PKD1L1: variants seen among roughly 807,000 people sequenced by gnomAD.
PKD1L1 encodes polycystin 1 like 1, transient receptor potential channel interacting, also known as polycystin-1-like protein 1.
Under a neutral mutation model 323.4 loss-of-function variants are expected in PKD1L1, and 236 were observed. That is an observed-to-expected ratio of 0.73 (90% CI 0.66 to 0.81). The LOEUF is 0.81. Ranked by LOEUF, PKD1L1 falls within the 40% of genes least tolerant of loss-of-function variation. The pLI is 0.00. For missense variants in PKD1L1, 3,320 were observed against 3,508.0 expected (o/e 0.95, Z 1.35); for synonymous variants, 1,344 against 1,335.0 (o/e 1.01, Z -0.15).
intron 19 of PKD1L1, among the ~76,000 whole-genome samples, chr7:47,884,157 G>T (rs1377454824): frequency 6.9e-6 from 1 of 145,042 alleles, no homozygotes; most frequent in Non-Finnish European, 1.5e-5. Context: ...GCTGGTGTGT[G>T]TGTGTGTGTT....
At chr7:47,799,325 C>T (rs1464583553) in intron 54 of PKD1L1, among the ~76,000 whole-genome samples, 1 of 152,088 alleles carries the variant, frequency 6.6e-6, no homozygotes, top group Non-Finnish European at 1.5e-5. Flanking sequence ...AGGACTCGGG[C>T]CTGAGTGTTG....
intron 21 of PKD1L1, among the ~76,000 whole-genome samples, chr7:47,880,284 A>ATATATATTTTTTTTTTTT (rs1225214936): frequency 1.8e-5 from 1 of 56,782 alleles, no homozygotes; most frequent in Non-Finnish European, 2.8e-5. Flanking sequence ...ATATATATAT[A>ATATATATTTTTTTTTTTT]TTTTTTTTTT....
At chr7:47,922,070 G>A (rs1185329038) in intron 7 of PKD1L1, among the ~76,000 whole-genome samples, 5 of 152,152 alleles carry the variant, frequency 3.3e-5, no homozygotes, top group South Asian at 2.1e-4. Flanking sequence ...GTGCTGCCAC[G>A]CCTGACTGGT....
chr7:47,816,075 C>T (rs1454332865), intron 46 of PKD1L1, among the ~76,000 whole-genome samples: 3 of 152,098 alleles, frequency 2.0e-5, no homozygotes, highest in African/African-American at 4.8e-5. Context: ...GCAGAGGGAG[C>T]GCCGGGGCTA....
intron 54 of PKD1L1, among the ~76,000 whole-genome samples, chr7:47,796,830 C>A (rs1287603337): frequency 8.5e-4 from 113 of 133,546 alleles, no homozygotes; most frequent in Non-Finnish European, 8.7e-4. Flanking sequence ...TCCTAAATTA[C>A]AAAAAAAAAA....
intron 16 of PKD1L1, among the ~76,000 whole-genome samples, chr7:47,889,089 G>GCT (rs1786750864): frequency 6.6e-6 from 1 of 150,550 alleles, no homozygotes; most frequent in South Asian, 2.1e-4. Context: ...CTGGGCCCAG[G>GCT]CTGTGTGTGT....
intron 25 of PKD1L1, among the ~76,000 whole-genome samples, 176 bp downstream of exon 25, chr7:47,866,243 T>G (rs1389536055): frequency 6.6e-6 from 1 of 152,224 alleles, no homozygotes; most frequent in East Asian, 1.9e-4. Flanking sequence ...GTGATACATA[T>G]GAGCTGAATA....
At chr7:47,918,776 C>G (rs58919078) in intron 7 of PKD1L1, among the ~76,000 whole-genome samples, 8,324 of 152,090 alleles carry the variant, frequency 0.055, 769 homozygotes, top group African/African-American at 0.19. Flanking sequence ...ATCACTGGGT[C>G]AAAAATGAAA....
At chr7:47,897,061 G>A (rs186617825) in intron 14 of PKD1L1, among the ~76,000 whole-genome samples, 10 of 152,156 alleles carry the variant, frequency 6.6e-5, no homozygotes, top group Admixed American at 2.6e-4. Flanking sequence ...TTGGCCCATC[G>A]TTACCTGCCT....
intron 40 of PKD1L1, among the ~76,000 whole-genome samples, chr7:47,833,584 G>A (rs1263555456): frequency 1.3e-5 from 2 of 152,144 alleles, no homozygotes; most frequent in East Asian, 3.9e-4. Context: ...GTTGAACAAA[G>A]CCTCCAAGTG....
chr7:47,826,708 C>T (rs564174651), intron 45 of PKD1L1, among the ~76,000 whole-genome samples: 1 of 152,264 alleles, frequency 6.6e-6, no homozygotes, highest in African/African-American at 2.4e-5. Flanking sequence ...TGCCATCCAG[C>T]ACCACCATGA....
intron 18 of PKD1L1, among the ~76,000 whole-genome samples, chr7:47,884,881 C>T (rs1462691326): frequency 6.6e-6 from 1 of 152,150 alleles, no homozygotes; most frequent in East Asian, 1.9e-4. Context: ...GGAGAGGGAG[C>T]TCCAATAGGT....
rs1423558970 is a variant in PKD1L1 at position 47,881,909 on chromosome 7, C to A, written c.3442G>T (p.Gly1148Cys). ...RAVFQGYSSSGITEQTVTIKP... is the reference protein window; with the variant it reads ...RAVFQGYSSSCITEQTVTIKP... ...GAGGGTACAAAGAGGACATTCATAC[C>A]TGAGGATGAATAGCCTTGGAAAACT... Residue 1148 changes from glycine to cysteine, a missense_variant and splice_region_variant, in exon 20 of 57, where the codon GGT becomes TGT. Physicochemically the swap from Gly to Cys is radical, Grantham distance 159. Transcript: ENST00000289672. 1.9e-6 allele frequency: 3 copies of A among 1,590,978 alleles called. No individual in the cohort carries two copies. The highest frequency in any genetic ancestry group is 2.6e-6 in the Non-Finnish European group (3 of 1,171,634).
chr7:47,912,652 C>T (rs35588446), intron 8 of PKD1L1, among the ~76,000 whole-genome samples: 17,037 of 151,382 alleles, frequency 0.11, 1,114 homozygotes, highest in East Asian at 0.25. Flanking sequence ...GCCATCTCTA[C>T]TAAAAATACA....
chr7:47,931,918 C>T lies in PKD1L1; in HGVS notation c.519+18G>A, dbSNP rs942412412. On this transcript the variant is annotated intron_variant, in intron 5 of 56. Coordinates refer to ENST00000289672, the MANE Select transcript of PKD1L1 (RefSeq NM_138295.5). ...GCAGCTTTCTGATGAAATTCAATTG[C>T]AGGGGTTAGATACCAACCTGGAGAA... 1 of 1,595,972 alleles carries T rather than the reference C, an allele frequency of 6.3e-7. No homozygotes were observed. The highest frequency in any genetic ancestry group is 1.3e-5 in the African/African-American group (1 of 74,250).
At chr7:47,879,877 G>A (rs1188867377) in intron 21 of PKD1L1, among the ~76,000 whole-genome samples, 1 of 126,202 alleles carries the variant, frequency 7.9e-6, no homozygotes, top group Non-Finnish European at 1.6e-5. Context: ...AGCTTGCGGT[G>A]AGCCAAGATC....
intron 56 of PKD1L1, among the ~76,000 whole-genome samples, chr7:47,787,381 T>C (rs550493689): frequency 2.6e-5 from 4 of 152,318 alleles, no homozygotes; most frequent in Non-Finnish European, 5.9e-5. Context: ...TCCTGTGGAA[T>C]GAAACCAAAG....
intron 28 of PKD1L1, among the ~76,000 whole-genome samples, chr7:47,855,875 CAAAAAAAAA>C (rs536157879): frequency 3.1e-5 from 1 of 32,534 alleles, no homozygotes. Flanking sequence ...GACTCCGTCT[CAAAAAAAAA>C]AAAAAAAAAA....
rs373777013 is a variant in PKD1L1 at position 47,902,530 on chromosome 7, C to T, written c.1932-19G>A. On this transcript the variant is annotated intron_variant, in intron 12 of 56. Coordinates refer to ENST00000289672, the MANE Select transcript of PKD1L1 (RefSeq NM_138295.5). ...TCCTTCCCTGGGACGGTGGAAAGCA[C>T]AGAAATGAACAAATTTATGTTGATG... The T allele has an allele frequency of 2.4e-5, 38 of 1,611,006 alleles. 1 individual carries two copies. The highest frequency in any genetic ancestry group is 1.1e-4 in the East Asian group (5 of 44,842).
Sources: gnomAD v4.1 joint callset for allele counts (sites outside exome capture counted in the v4.1 genomes callset) on GRCh38, gnomAD v4.1.1 for gene constraint, MANE v1.5 for transcripts, NCBI Gene and HGNC (gene_info 2026-07-23, HGNC 2026-07-21) for gene names.